ENPP2: variants seen among roughly 807,000 people sequenced by gnomAD.
ENPP2 encodes the protein ectonucleotide pyrophosphatase/phosphodiesterase 2.
A neutral mutation model predicts 120.2 loss-of-function variants in ENPP2; 51 were observed. The observed-to-expected ratio is 0.42, with a 90% CI of 0.34 to 0.54. The LOEUF is 0.54. ENPP2 is among the 20% of genes least tolerant of loss of function. The probability of loss-of-function intolerance (pLI) is 0.04; values close to 1 mark genes in which losing one functional copy is unlikely to be tolerated. For synonymous variants in ENPP2, 365 were observed against 366.4 expected (o/e 1.00, Z 0.04); for missense variants, 920 against 1,066.5 (o/e 0.86, Z 1.91).
chr8:119,609,600 T>C (rs1814951811), intron 8 of ENPP2, among the ~76,000 whole-genome samples: 1 of 152,192 alleles, frequency 6.6e-6, no homozygotes, highest in Non-Finnish European at 1.5e-5. Flanking sequence ...CATTCATTCT[T>C]GTTCCAGCAC....
chr8:119,633,261 G>A (rs941844638), intron 2 of ENPP2, among the ~76,000 whole-genome samples: 1 of 152,138 alleles, frequency 6.6e-6, no homozygotes, highest in African/African-American at 2.4e-5. Context: ...ATGGCCAATA[G>A]AAGAGGCAGT....
At chr8:119,635,917 G>T (rs1335646098) in intron 2 of ENPP2, among the ~76,000 whole-genome samples, 2 of 152,200 alleles carry the variant, frequency 1.3e-5, no homozygotes, top group African/African-American at 4.8e-5. Context: ...CATGTGTACA[G>T]AACATTCTCA....
At position 119,615,136 on chromosome 8, in the gene ENPP2, C is replaced by G. The variant is rs375522141; in HGVS notation, c.777+1129G>C. Among the ~76,000 whole-genome samples the G allele has an allele frequency of 5.9e-5, 9 of 152,144 alleles. No homozygotes were observed. The East Asian group carries it at 7.7e-4, about 13-fold the overall frequency. ...GTCCATAAATTGCAGCAAAAGATTT[C>G]CAGGTACAAGATCATTGAGGCATGG... On this transcript the variant is annotated intron_variant, in intron 8 of 24. Coordinates refer to ENST00000075322, the MANE Select transcript of ENPP2 (RefSeq NM_001040092.3).
chr8:119,593,412 G>A (rs2249015), intron 12 of ENPP2, among the ~76,000 whole-genome samples: 35,744 of 152,044 alleles, frequency 0.24, 4,568 homozygotes, highest in South Asian at 0.37. Flanking sequence ...GCAGGGATAG[G>A]AGATTATCAC....
At chr8:119,629,187 G>A (rs181808543) in intron 2 of ENPP2, among the ~76,000 whole-genome samples, 16 of 151,628 alleles carry the variant, frequency 1.1e-4, no homozygotes, top group African/African-American at 2.2e-4. Context: ...AATATATACC[G>A]TATAATAGAT....
intron 20 of ENPP2, among the ~76,000 whole-genome samples, chr8:119,569,578 A>G (rs185234591): frequency 1.7e-3 from 253 of 152,202 alleles, no homozygotes; most frequent in Non-Finnish European, 3.0e-3. Context: ...TTTTTAATCA[A>G]CATAACTCTC....
chr8:119,621,295 C>T, intron 4 of ENPP2, 99 bp downstream of exon 4: 1 of 1,054,246 alleles, frequency 9.5e-7, no homozygotes, highest in South Asian at 1.3e-5. Flanking sequence ...TCCTCCCAAA[C>T]TCATATCCAG....
At chr8:119,621,656 T>G in intron 3 of ENPP2, 137 bp from the exon 4 acceptor site, 2 of 857,726 alleles carry the variant, frequency 2.3e-6, no homozygotes, top group Non-Finnish European at 3.6e-6. Flanking sequence ...TGAGTTGGCT[T>G]GAGGCCCAGA....
chr8:119,614,202 A>G (rs1259609904), intron 8 of ENPP2, among the ~76,000 whole-genome samples: 1 of 151,284 alleles, frequency 6.6e-6, no homozygotes, highest in Non-Finnish European at 1.5e-5. Context: ...AGTAGCTAGG[A>G]TTACAGGTGC....
intron 11 of ENPP2, chr8:119,595,775 A>G: frequency 6.7e-7 from 1 of 1,491,672 alleles, no homozygotes; most frequent in Non-Finnish European, 9.2e-7. Flanking sequence ...CGATTTTCCA[A>G]CCAAGGCACT....
chr8:119,572,343 AT>A, intron 19 of ENPP2: 1 of 955,038 alleles, frequency 1.0e-6, no homozygotes, highest in Non-Finnish European at 1.6e-6. Context: ...CCAAACTCAA[AT>A]TCAAGCTTGG....
intron 1 of ENPP2, among the ~76,000 whole-genome samples, chr8:119,647,081 TCCGCC>T: frequency 1.3e-5 from 2 of 150,054 alleles, no homozygotes; most frequent in Non-Finnish European, 3.0e-5. Flanking sequence ...CACTGCAACC[TCCGCC>T]TCCCGGGTTC....
intron 12 of ENPP2, 150 bp downstream of exon 12, chr8:119,593,602 A>G (rs1316928443): frequency 8.3e-6 from 5 of 603,360 alleles, no homozygotes; most frequent in East Asian, 5.5e-5. Context: ...ATACTTTTCA[A>G]TCATGGCCTG....
chr8:119,609,430 G>A (rs746467968), intron 8 of ENPP2, among the ~76,000 whole-genome samples: 4 of 152,168 alleles, frequency 2.6e-5, no homozygotes, highest in Non-Finnish European at 5.9e-5. Flanking sequence ...TTCTTGGCCA[G>A]ACTTTTGGTT....
At chr8:119,627,181 G>C (rs1587521760) in intron 2 of ENPP2, among the ~76,000 whole-genome samples, 1 of 152,002 alleles carries the variant, frequency 6.6e-6, no homozygotes, top group South Asian at 2.1e-4. Context: ...TTTTTACAAG[G>C]AAAATTCAGC....
At chr8:119,643,306 G>A (rs1817337589), upstream of ENPP2, among the ~76,000 whole-genome samples, 1 of 152,080 alleles carries the variant, frequency 6.6e-6, no homozygotes, top group Admixed American at 6.6e-5. Flanking sequence ...TGGCTCAATT[G>A]CTCCCACAAT....
At position 119,632,946 on chromosome 8, in the gene ENPP2, G is replaced by C. The variant is rs1816773056; in HGVS notation, c.136+5479C>G. On this transcript the variant is annotated intron_variant, in intron 2 of 24. Transcript: ENST00000075322. Reference sequence around the variant, plus strand: ...TAGCCAGGCATGGGGGTGCACACCTGTAATCTCAGCTAGGGCTGAGGCAAG... The same window carrying C: ...TAGCCAGGCATGGGGGTGCACACCTCTAATCTCAGCTAGGGCTGAGGCAAG... 2.0e-5 allele frequency among the ~76,000 whole-genome samples: 3 copies of C among 152,160 alleles called. No homozygotes were observed. The South Asian group carries it at 6.2e-4, about 32-fold the overall frequency.
At chr8:119,655,862 A>T (rs1817754073) in intron 1 of ENPP2, among the ~76,000 whole-genome samples, 1 of 152,210 alleles carries the variant, frequency 6.6e-6, no homozygotes, top group African/African-American at 2.4e-5. Context: ...GCAACAGCAC[A>T]CTATGCAATG....
intron 21 of ENPP2, 60 bp from the exon 22 acceptor site, chr8:119,568,312 A>AG: frequency 1.1e-6 from 1 of 920,532 alleles, no homozygotes; most frequent in Non-Finnish European, 1.8e-6. Flanking sequence ...CAGTTAAAAA[A>AG]AAAAGGGAGA....
Sources: allele counts gnomAD v4.1 joint callset (sites outside exome capture counted in the v4.1 genomes callset), GRCh38; gene constraint gnomAD v4.1.1; transcripts MANE v1.5; gene names NCBI Gene and HGNC (gene_info 2026-07-23, HGNC 2026-07-21).